Variants in CCDC73 observed in about 807,000 individuals in gnomAD.
CCDC73 encodes coiled-coil domain-containing protein 73.
A neutral mutation model predicts 116.5 loss-of-function variants in CCDC73; 95 were observed. That is an observed-to-expected ratio of 0.82 (90% CI 0.69 to 0.97). The LOEUF (loss-of-function observed/expected upper bound fraction) is 0.97, where lower values mean the gene tolerates loss of function less well. Ranked by LOEUF, CCDC73 falls within the 50% of genes least tolerant of loss-of-function variation. The pLI is 0.00. For missense variants in CCDC73, 1,066 were observed against 1,206.8 expected, an observed-to-expected ratio of 0.88 and a Z score of 1.73; for synonymous variants, 398 against 401.3, an observed-to-expected ratio of 0.99 and a Z score of 0.10.
At chr11:32,633,513 A>C (rs1369245554) in intron 14 of CCDC73, among the ~76,000 whole-genome samples, 1 of 152,218 alleles carries the variant, frequency 6.6e-6, no homozygotes, top group Non-Finnish European at 1.5e-5. Flanking sequence ...ATACCCATAC[A>C]CATGACTAAG....
chr11:32,620,494 C>G (rs1291253752), intron 14 of CCDC73, among the ~76,000 whole-genome samples: 2 of 151,386 alleles, frequency 1.3e-5, no homozygotes, highest in Non-Finnish European at 2.9e-5. Flanking sequence ...GCCTGTAGTC[C>G]CACCTACTTG....
chr11:32,641,107 C>T (rs752823323), intron 13 of CCDC73, among the ~76,000 whole-genome samples: 4 of 151,932 alleles, frequency 2.6e-5, no homozygotes, highest in Non-Finnish European at 5.9e-5. Flanking sequence ...TTGAATCAAA[C>T]AAAATAATCT....
At chr11:32,641,858 G>C (rs1855735844) in intron 13 of CCDC73, 114 bp downstream of exon 13, 2 of 815,978 alleles carry the variant, frequency 2.5e-6, no homozygotes, top group African/African-American at 3.6e-5. Flanking sequence ...AGAAAAAAAT[G>C]TGTCTGATTT....
At chr11:32,684,834 G>A (rs578012240) in intron 6 of CCDC73, among the ~76,000 whole-genome samples, 1 of 152,170 alleles carries the variant, frequency 6.6e-6, no homozygotes, top group South Asian at 2.1e-4. Context: ...GCGAAACTTA[G>A]CTGGGTACGC....
intron 9 of CCDC73, among the ~76,000 whole-genome samples, chr11:32,660,321 C>T (rs534436350): frequency 4.6e-5 from 7 of 151,692 alleles, no homozygotes; most frequent in African/African-American, 1.7e-4. Flanking sequence ...CCATGGTACC[C>T]CTCCAGGGCT....
chr11:32,801,046 C>A, the CCDC73 span, among the ~76,000 whole-genome samples: 1 of 152,152 alleles, frequency 6.6e-6, no homozygotes, highest in Non-Finnish European at 1.5e-5. Flanking sequence ...CCAGTGTTGG[C>A]TCCATCCTCA....
intron 9 of CCDC73, among the ~76,000 whole-genome samples, chr11:32,658,264 A>T (rs763153610): frequency 2.5e-4 from 38 of 152,078 alleles, no homozygotes; most frequent in Non-Finnish European, 5.0e-4. Context: ...TAGTTCATTA[A>T]TCTTTTCTCA....
At chr11:32,638,078 A>G (rs909003639) in intron 13 of CCDC73, among the ~76,000 whole-genome samples, 5 of 152,162 alleles carry the variant, frequency 3.3e-5, no homozygotes, top group Admixed American at 3.3e-4. Flanking sequence ...CCCAATATCC[A>G]TTATATATAA....
chr11:32,813,595 A>C, the CCDC73 span, among the ~76,000 whole-genome samples: 539 of 152,318 alleles, frequency 3.5e-3, 6 homozygotes, highest in African/African-American at 0.013. Context: ...ATTTATTTTT[A>C]TATATCATGT....
chr11:32,764,677 C>A (rs1360494529), intron 1 of CCDC73, among the ~76,000 whole-genome samples: 1 of 152,116 alleles, frequency 6.6e-6, no homozygotes, highest in Non-Finnish European at 1.5e-5. Flanking sequence ...ATGTAAAGAC[C>A]ATCGATGCTA....
rs1380332504 is a variant in CCDC73, at chr11:32,613,749, T to C, written c.2569A>G (p.Met857Val). 6.2e-7 allele frequency: 1 copy of C among 1,613,960 alleles called. No individual in the cohort carries two copies. The highest frequency in any genetic ancestry group is 8.5e-7 in the Non-Finnish European group (1 of 1,179,932). Residue 857 changes from methionine to valine, a missense_variant, in exon 16 of 18, where the codon ATG becomes GTG. Transcript: ENST00000335185. The part of the protein sequence containing the change: ...ESLNDIVSGK[M>V]FSEGQLEESH... ...TCCTCCAGCTGTCCTTCACTGAACA[T>C]TTTTCCTGAAACAATGTCATTTAAT...
chr11:32,733,039 A>G (rs561971269), intron 2 of CCDC73, among the ~76,000 whole-genome samples: 1 of 152,322 alleles, frequency 6.6e-6, no homozygotes, highest in Admixed American at 6.5e-5. Flanking sequence ...ACGTGCAGAG[A>G]CACATATAGG....
chr11:32,764,983 A>C (rs1850427762), intron 1 of CCDC73, among the ~76,000 whole-genome samples: 1 of 152,226 alleles, frequency 6.6e-6, no homozygotes, highest in Non-Finnish European at 1.5e-5. Context: ...GATAAAACAG[A>C]CTTTAAACCA....
chr11:32,644,386 G>T (rs1395428187), intron 12 of CCDC73, among the ~76,000 whole-genome samples: 3 of 152,018 alleles, frequency 2.0e-5, no homozygotes, highest in South Asian at 4.1e-4. Flanking sequence ...TTATTACCTG[G>T]GTGATGAAAT....
intron 14 of CCDC73, among the ~76,000 whole-genome samples, chr11:32,621,772 T>C (rs422498): frequency 0.73 from 110,827 of 152,086 alleles, 41,266 homozygotes; most frequent in African/African-American, 0.78. Flanking sequence ...ACCTGACAAA[T>C]GGCTAATATC....
At chr11:32,644,288 C>T (rs7931286) in intron 12 of CCDC73, among the ~76,000 whole-genome samples, 24,097 of 151,930 alleles carry the variant, frequency 0.16, 2,035 homozygotes, top group South Asian at 0.27. Context: ...AAACATTGAG[C>T]ACATATAGAC....
intron 2 of CCDC73, among the ~76,000 whole-genome samples, chr11:32,744,477 G>A (rs1173515067): frequency 6.6e-6 from 1 of 152,314 alleles, no homozygotes. Context: ...AGTTTCAGAA[G>A]GAATGGTGTC....
intron 12 of CCDC73, among the ~76,000 whole-genome samples, chr11:32,645,290 T>A: frequency 1.1e-5 from 1 of 90,260 alleles, no homozygotes; most frequent in South Asian, 3.7e-4. Flanking sequence ...TTTTTCTTTT[T>A]CTTTTTTTTT....
intron 11 of CCDC73, among the ~76,000 whole-genome samples, chr11:32,653,667 T>TA (rs1855846317): frequency 6.6e-6 from 1 of 152,086 alleles, no homozygotes; most frequent in Non-Finnish European, 1.5e-5. Flanking sequence ...ACACATATTT[T>TA]AAAAAATGAA....
Sources: allele counts gnomAD v4.1 joint callset (sites outside exome capture counted in the v4.1 genomes callset), GRCh38; gene constraint gnomAD v4.1.1; transcripts MANE v1.5; gene names NCBI Gene and HGNC (gene_info 2026-07-23, HGNC 2026-07-21).